OR2C1: variants seen among roughly 807,000 people sequenced by gnomAD.
The protein encoded by OR2C1 is olfactory receptor family 2 subfamily C member 1.
For synonymous variants in OR2C1, 209 were observed against 167.3 expected (o/e 1.25, Z -1.92); for missense variants, 468 against 388.3 (o/e 1.21, Z -1.73).
the OR2C1 span, among the ~76,000 whole-genome samples, chr16:3,337,868 C>T: frequency 6.6e-6 from 1 of 152,138 alleles, no homozygotes; most frequent in Non-Finnish European, 1.5e-5. Context: ...CTCTGTCTGG[C>T]TTGCTTTGAT....
At chr16:3,351,696 C>A (rs74497899), upstream of OR2C1, among the ~76,000 whole-genome samples, 1 of 152,048 alleles carries the variant, frequency 6.6e-6, no homozygotes, top group Non-Finnish European at 1.5e-5. Flanking sequence ...AAAGCTTACT[C>A]CCCAGCCCTT....
At chr16:3,354,633 A>C (rs1485011681), upstream of OR2C1, among the ~76,000 whole-genome samples, 1 of 152,200 alleles carries the variant, frequency 6.6e-6, no homozygotes, top group African/African-American at 2.4e-5. Flanking sequence ...TAGATCCAGC[A>C]CTGAGGTAAA....
At chr16:3,345,396 G>T in the OR2C1 span, among the ~76,000 whole-genome samples, 1 of 151,928 alleles carries the variant, frequency 6.6e-6, no homozygotes, top group Non-Finnish European at 1.5e-5. Context: ...TGAGGCAGGA[G>T]AATGACGTGA....
chr16:3,356,351 C>A lies in OR2C1; in HGVS notation c.411C>A (p.Asn137Lys). 1.2e-6 allele frequency: 2 copies of A among 1,613,482 alleles called. No homozygotes were observed. Among genetic ancestry groups the A allele is most frequent in the South Asian group, 1.1e-5 (1 of 91,076 alleles). Residue 137 changes from asparagine (N) to lysine (K), a missense_variant, in exon 1 of 1, where the codon AAC (asparagine) becomes AAA (lysine). By Grantham distance (94) the Asn-to-Lys change is moderately conservative. Transcript: ENST00000304936. ...CRPLRYTAIM[N>K]PQLCWLLAVI... is the part of the protein sequence containing the mutation. ...CCCTCCGCTACACCGCCATCATGAA[C>A]CCCCAGCTCTGCTGGCTGCTGGCTG...
At chr16:3,326,094 C>G in the OR2C1 span, among the ~76,000 whole-genome samples, 9 of 151,952 alleles carry the variant, frequency 5.9e-5, no homozygotes, top group Non-Finnish European at 1.0e-4. Context: ...CCAAGCCTGG[C>G]TAATTTTTTT....
At chr16:3,323,377 A>C in the OR2C1 span, 1 of 967,934 alleles carries the variant, frequency 1.0e-6, no homozygotes, top group Non-Finnish European at 1.7e-6. Flanking sequence ...CTTCCAAGCA[A>C]ATGACACCAA....
At position 3,356,624 on chromosome 16, in the gene OR2C1, C is replaced by T. The variant is rs143337951; in HGVS notation, c.684C>T (p.Ile228=). 6.0e-4 allele frequency: 974 copies of T among 1,614,156 alleles called. 4 individuals are homozygous for T. The Middle Eastern group carries it at 8.9e-3, about 15-fold the overall frequency. The change falls in exon 1 of 1, where the codon ATC becomes ATT. Residue 228 remains isoleucine, a synonymous_variant. Coordinates refer to ENST00000304936, the MANE Select transcript of OR2C1 (RefSeq NM_012368.3). ...YCLIAQAVLK[I]RSAEGRRKAF... ...TCATTGCTCAGGCAGTGCTGAAAAT[C>T]CGCTCTGCAGAGGGGAGGCGAAAGG... is the stretch of plus-strand genomic sequence containing the variant.
At chr16:3,357,727 A>G (rs564244617), downstream of OR2C1, among the ~76,000 whole-genome samples, 32 of 152,178 alleles carry the variant, frequency 2.1e-4, no homozygotes, top group South Asian at 4.1e-4. Flanking sequence ...CACACCTGTA[A>G]TCCCAGCACT....
chr16:3,345,225 T>C, the OR2C1 span, among the ~76,000 whole-genome samples: 1 of 151,866 alleles, frequency 6.6e-6, no homozygotes, highest in East Asian at 1.9e-4. Context: ...TCCCAGCACT[T>C]TGGGAGGCCG....
the OR2C1 span, among the ~76,000 whole-genome samples, chr16:3,338,727 C>T: frequency 6.6e-6 from 1 of 151,794 alleles, no homozygotes; most frequent in African/African-American, 2.4e-5. Context: ...TTAGTAGAGA[C>T]GGGGTTTCAC....
chr16:3,353,983 CTTTTTT>C (rs1001983184), upstream of OR2C1, among the ~76,000 whole-genome samples: 7 of 115,500 alleles, frequency 6.1e-5, no homozygotes, highest in African/African-American at 2.3e-4. Context: ...CTTTTCTTTT[CTTTTTT>C]TTTTTTTTTT....
chr16:3,339,542 C>T, the OR2C1 span, among the ~76,000 whole-genome samples: 4 of 152,222 alleles, frequency 2.6e-5, no homozygotes, highest in African/African-American at 4.8e-5. Flanking sequence ...CAATTAGCTC[C>T]GCCTCCTGGG....
the OR2C1 span, among the ~76,000 whole-genome samples, chr16:3,329,542 C>T: frequency 1.7e-4 from 25 of 151,502 alleles, no homozygotes; most frequent in African/African-American, 6.1e-4. Flanking sequence ...CTCCGCTTCC[C>T]AGGTTCATGC....
the OR2C1 span, among the ~76,000 whole-genome samples, chr16:3,338,119 T>C: frequency 6.6e-6 from 1 of 152,186 alleles, no homozygotes; most frequent in Non-Finnish European, 1.5e-5. Flanking sequence ...TGGCTAAGGT[T>C]TGGGTCCAGA....
At chr16:3,338,450 T>C in the OR2C1 span, among the ~76,000 whole-genome samples, 45 of 150,608 alleles carry the variant, frequency 3.0e-4, no homozygotes, top group African/African-American at 8.0e-4. Context: ...GCTGGGCAGA[T>C]TGGGGGAAAG....
the OR2C1 span, chr16:3,323,521 T>G: frequency 1.3e-6 from 1 of 746,854 alleles, no homozygotes; most frequent in African/African-American, 1.7e-5. Flanking sequence ...TCACATAAGG[T>G]TCCACTATAC....
the OR2C1 span, among the ~76,000 whole-genome samples, chr16:3,336,179 A>G: frequency 1.3e-5 from 2 of 152,146 alleles, no homozygotes. Context: ...AAATGATAAT[A>G]TGGTTTTTAT....
At chr16:3,342,111 C>T in the OR2C1 span, among the ~76,000 whole-genome samples, 3 of 152,000 alleles carry the variant, frequency 2.0e-5, no homozygotes, top group African/African-American at 4.8e-5. Context: ...TTTAGCTAGG[C>T]GTGGTGGCAC....
chr16:3,324,882 A>G, the OR2C1 span, among the ~76,000 whole-genome samples: 1 of 152,252 alleles, frequency 6.6e-6, no homozygotes, highest in African/African-American at 2.4e-5. Flanking sequence ...TATCAGAATG[A>G]AGTGAGTCAC....
Sources: allele counts gnomAD v4.1 joint callset (sites outside exome capture counted in the v4.1 genomes callset), GRCh38; gene constraint gnomAD v4.1.1; transcripts MANE v1.5; gene names NCBI Gene and HGNC (gene_info 2026-07-23, HGNC 2026-07-21).